The following PCDH15 variants were observed in gnomAD, a reference collection of about 807,000 sequenced individuals.
The protein encoded by PCDH15 is protocadherin related 15.
Under a neutral mutation model 178.5 loss-of-function variants are expected in PCDH15, and 129 were observed. The ratio of observed to expected loss-of-function variants is 0.72; its 90% CI spans 0.63 to 0.84. The LOEUF (loss-of-function observed/expected upper bound fraction) is 0.84. PCDH15 is among the 40% of genes least tolerant of loss of function. The pLI is 0.00. For synonymous variants in PCDH15, 800 were observed against 732.0 expected, an observed-to-expected ratio of 1.09 and a Z score of -1.50; for missense variants, 2,230 against 2,099.9, an observed-to-expected ratio of 1.06 and a Z score of -1.21.
At chr10:54,857,203 T>C (rs1304958426) in intron 3 of PCDH15, among the ~76,000 whole-genome samples, 2 of 152,132 alleles carry the variant, frequency 1.3e-5, no homozygotes, top group Non-Finnish European at 2.9e-5. Context: ...AGATATTTGC[T>C]AAATAACAGA....
intron 3 of PCDH15, among the ~76,000 whole-genome samples, chr10:54,508,843 T>C (rs1045189799): frequency 2.6e-5 from 4 of 152,076 alleles, no homozygotes; most frequent in African/African-American, 9.7e-5. Flanking sequence ...GGAAAAGAAG[T>C]GTTTCAGATT....
At position 54,925,581 on chromosome 10, in the gene PCDH15, G is replaced by A. The variant is rs1369287300; in HGVS notation, c.-79-28081C>T. On this transcript the variant is annotated intron_variant, in intron 2 of 5. Coordinates refer to the PCDH15 transcript ENST00000458638. The stretch of plus-strand genomic sequence containing the variant: ...TTGATTCTTCTATCCATTAGCATGC[G>A]ATGTTTTTCCATTTGTTTGTGTCAT... 2.3e-4 allele frequency among the ~76,000 whole-genome samples: 35 copies of A among 151,984 alleles called. 1 individual carries two copies. The highest frequency in any genetic ancestry group is 1.9e-3 in the Admixed American group (29 of 15,242).
intron 8 of PCDH15, among the ~76,000 whole-genome samples, chr10:54,294,162 T>C (rs1040559011): frequency 1.3e-5 from 2 of 152,152 alleles, no homozygotes; most frequent in Non-Finnish European, 2.9e-5. Flanking sequence ...GTTAATGTTC[T>C]TTGCAGGGAC....
At chr10:53,827,570 T>G in intron 31 of PCDH15, 22 bp from the exon 32 acceptor site, 1 of 1,614,006 alleles carries the variant, frequency 6.2e-7, no homozygotes, top group Non-Finnish European at 8.5e-7. Flanking sequence ...TAAGGATGGC[T>G]TGTAAAACTC....
At chr10:54,485,194 C>T (rs2079012890) in intron 3 of PCDH15, among the ~76,000 whole-genome samples, 1 of 151,744 alleles carries the variant, frequency 6.6e-6, no homozygotes, top group African/African-American at 2.4e-5. Flanking sequence ...ATAGTGCTGA[C>T]ACTATGTCAA....
chr10:54,511,049 C>T (rs1446730061), intron 3 of PCDH15, among the ~76,000 whole-genome samples: 1 of 152,128 alleles, frequency 6.6e-6, no homozygotes, highest in African/African-American at 2.4e-5. Flanking sequence ...TGGAAAGAAG[C>T]ATGATTTTAC....
intron 2 of PCDH15, among the ~76,000 whole-genome samples, chr10:54,620,789 A>C (rs78446481): frequency 0.034 from 5,150 of 152,136 alleles, 268 homozygotes; most frequent in African/African-American, 0.11. Context: ...GTAAGAGAAA[A>C]AGAGGCAGTC....
At chr10:54,189,438 G>A (rs926658481) in intron 11 of PCDH15, 26 of 1,309,032 alleles carry the variant, frequency 2.0e-5, no homozygotes, top group South Asian at 1.6e-4. Context: ...GATCACAACC[G>A]CACATATGAA....
chr10:55,518,864 G>A (rs1356215794), intron 2 of PCDH15, among the ~76,000 whole-genome samples: 1 of 151,764 alleles, frequency 6.6e-6, no homozygotes, highest in East Asian at 1.9e-4. Context: ...GGAGGCCAAG[G>A]CAGGCAGAAT....
At chr10:55,219,409 A>T (rs1840804020) in intron 1 of PCDH15, among the ~76,000 whole-genome samples, 2 of 151,962 alleles carry the variant, frequency 1.3e-5, no homozygotes, top group Admixed American at 1.3e-4. Context: ...TTACAACATT[A>T]AGGATGGCTA....
At chr10:55,624,734 T>C (rs896459470) in intron 2 of PCDH15, among the ~76,000 whole-genome samples, 1 of 152,042 alleles carries the variant, frequency 6.6e-6, no homozygotes, top group African/African-American at 2.4e-5. Flanking sequence ...ATGACCAACA[T>C]CGTTAGGCTG....
chr10:55,311,460 G>A lies in PCDH15; in HGVS notation c.-156+8139C>T, dbSNP rs764958217. The stretch of plus-strand genomic sequence containing the variant: ...ATCTTAGTTATTTTTCTATCTTCCC[G>A]CTGTATCACAGTGCCTGGCATATAT... On this transcript the variant is annotated intron_variant, in intron 1 of 5. Transcript: ENST00000458638. Among the ~76,000 whole-genome samples the A allele has an allele frequency of 3.1e-4, 47 of 152,226 alleles. 1 individual carries two copies. The highest frequency in any genetic ancestry group is 4.9e-4 in the Non-Finnish European group (33 of 68,002).
At chr10:53,855,904 G>GTATGTA (rs147606526) in intron 28 of PCDH15, among the ~76,000 whole-genome samples, 2 of 109,698 alleles carry the variant, frequency 1.8e-5, no homozygotes, top group African/African-American at 7.5e-5. Flanking sequence ...AAGGTGATAT[G>GTATGTA]TATATATATA....
At chr10:54,620,002 A>G (rs902774662) in intron 2 of PCDH15, among the ~76,000 whole-genome samples, 1 of 152,208 alleles carries the variant, frequency 6.6e-6, no homozygotes, top group South Asian at 2.1e-4. Context: ...AAAAAAACAG[A>G]TATTTCTTAA....
At chr10:54,384,303 C>T (rs1949655360) in intron 3 of PCDH15, among the ~76,000 whole-genome samples, 2 of 135,320 alleles carry the variant, frequency 1.5e-5, no homozygotes, top group Non-Finnish European at 3.1e-5. Flanking sequence ...AATTAAATCT[C>T]TACCAAGCTG....
chr10:55,341,670 A>AGTGATTC (rs956942100), intron 2 of PCDH15, among the ~76,000 whole-genome samples: 2 of 147,514 alleles, frequency 1.4e-5, no homozygotes, highest in Admixed American at 6.8e-5. Context: ...CCCGGGTTCA[A>AGTGATTC]GTGATTCTCT....
At chr10:53,929,955 G>C (rs1009772336) in intron 25 of PCDH15, among the ~76,000 whole-genome samples, 11 of 152,016 alleles carry the variant, frequency 7.2e-5, no homozygotes, top group Non-Finnish European at 1.5e-4. Context: ...TACTGCTTTT[G>C]CTCTACATAA....
chr10:55,421,486 A>T (rs1838620711), intron 2 of PCDH15, among the ~76,000 whole-genome samples: 1 of 149,858 alleles, frequency 6.7e-6, no homozygotes, highest in South Asian at 2.1e-4. Context: ...CATCATAGCT[A>T]AAAGAGAAAA....
chr10:55,556,072 T>C (rs1332375662), intron 2 of PCDH15, among the ~76,000 whole-genome samples: 1 of 152,160 alleles, frequency 6.6e-6, no homozygotes, highest in East Asian at 1.9e-4. Flanking sequence ...TTTTTCTTTT[T>C]CTCTCTCTCC....
Sources: allele counts gnomAD v4.1 joint callset (sites outside exome capture counted in the v4.1 genomes callset), GRCh38; gene constraint gnomAD v4.1.1; transcripts MANE v1.5; gene names NCBI Gene and HGNC (gene_info 2026-07-23, HGNC 2026-07-21).